ZFP1: variants seen among roughly 807,000 people sequenced by gnomAD.
The protein encoded by ZFP1 is ZFP1 zinc finger protein, also known as zinc finger protein 1 homolog.
In ZFP1, 32 loss-of-function variants were observed where a neutral mutation model predicts 38.5. That is an observed-to-expected ratio of 0.83 (90% CI 0.63 to 1.12). ZFP1 has a LOEUF of 1.12. ZFP1 is among the 50% of genes most tolerant of loss of function. The pLI is 0.00. For synonymous variants in ZFP1, 245 were observed against 168.8 expected, an observed-to-expected ratio of 1.45 and a Z score of -3.50; for missense variants, 616 against 480.8, an observed-to-expected ratio of 1.28 and a Z score of -2.63.
At chr16:75,139,046 AC>A in the ZFP1 span, among the ~76,000 whole-genome samples, 1 of 152,088 alleles carries the variant, frequency 6.6e-6, no homozygotes, top group African/African-American at 2.4e-5. Flanking sequence ...AAAGCATCCT[AC>A]AAAATACCTA....
intron 2 of ZFP1, among the ~76,000 whole-genome samples, chr16:75,161,066 A>G (rs940062658): frequency 2.6e-4 from 39 of 151,840 alleles, no homozygotes; most frequent in African/African-American, 8.9e-4. Flanking sequence ...TTTTTTTTTA[A>G]TTTATTTAAT....
chr16:75,157,490 C>G (rs1403475746), intron 2 of ZFP1, among the ~76,000 whole-genome samples: 3 of 151,924 alleles, frequency 2.0e-5, no homozygotes, highest in South Asian at 4.2e-4. Context: ...GTGATACGCC[C>G]TCCTCAGCCT....
chr16:75,158,427 G>A (rs2037576400), intron 2 of ZFP1, among the ~76,000 whole-genome samples: 1 of 151,448 alleles, frequency 6.6e-6, no homozygotes, highest in Non-Finnish European at 1.5e-5. Context: ...TGTGATCTTG[G>A]CTCATTGCAG....
chr16:75,131,112 G>T, the ZFP1 span, among the ~76,000 whole-genome samples: 1 of 152,088 alleles, frequency 6.6e-6, no homozygotes, highest in Non-Finnish European at 1.5e-5. Flanking sequence ...CTTGACACAC[G>T]CTGTGCCCTC....
chr16:75,125,928 G>T, the ZFP1 span, among the ~76,000 whole-genome samples: 1 of 151,402 alleles, frequency 6.6e-6, no homozygotes, highest in African/African-American at 2.4e-5. Context: ...TGTAATCCCA[G>T]TTACTCAGGA....
Position 75,152,931 on chromosome 16 carries a change from C to T in ZFP1, c.-21C>T, listed in dbSNP as rs749105612. 2.5e-6 allele frequency: 4 copies of T among 1,613,370 alleles called. No homozygotes were observed. The highest frequency in any genetic ancestry group is 2.2e-5 in the East Asian group (1 of 44,844). The stretch of plus-strand genomic sequence containing the variant: ...CAGTTCTGCCTTCATAGTTCTCTGC[C>T]TTTGCCCAAAACTGCAGAAAATGAA... On this transcript the variant is annotated 5_prime_UTR_variant, in exon 2 of 4. Coordinates refer to ENST00000570010, the MANE Select transcript of ZFP1 (RefSeq NM_153688.4).
At chr16:75,135,943 G>A in the ZFP1 span, among the ~76,000 whole-genome samples, 2 of 152,192 alleles carry the variant, frequency 1.3e-5, no homozygotes, top group Admixed American at 6.5e-5. Context: ...AGCCTCCCGA[G>A]TAACTGGGAT....
At chr16:75,167,963 T>C (rs1272996138) in intron 3 of ZFP1, among the ~76,000 whole-genome samples, 2 of 152,086 alleles carry the variant, frequency 1.3e-5, no homozygotes, top group East Asian at 3.9e-4. Context: ...CATGGTGGCA[T>C]GTGCCTGTAA....
At chr16:75,126,681 G>A in the ZFP1 span, among the ~76,000 whole-genome samples, 6 of 152,186 alleles carry the variant, frequency 3.9e-5, no homozygotes, top group African/African-American at 1.4e-4. Flanking sequence ...GGGGTTACAG[G>A]CATGAGCCAG....
At chr16:75,165,031 A>G (rs774467482) in intron 2 of ZFP1, among the ~76,000 whole-genome samples, 13 of 151,992 alleles carry the variant, frequency 8.6e-5, no homozygotes, top group Admixed American at 2.0e-4. Context: ...TTTTGAACTC[A>G]TGACCTCAGG....
At chr16:75,135,375 T>C in the ZFP1 span, among the ~76,000 whole-genome samples, 1 of 152,106 alleles carries the variant, frequency 6.6e-6, no homozygotes, top group African/African-American at 2.4e-5. Context: ...AAATGCATAT[T>C]GCTAAGTGAT....
intron 2 of ZFP1, among the ~76,000 whole-genome samples, chr16:75,159,568 C>T (rs1003253126): frequency 4.0e-5 from 6 of 150,950 alleles, no homozygotes; most frequent in Admixed American, 1.3e-4. Context: ...CCACTATGCC[C>T]GGCTAATTTT....
rs543306019 is a variant in ZFP1 at position 75,156,195 on chromosome 16, G to A, written c.15+3229G>A. The stretch of plus-strand genomic sequence containing the variant: ...GGGGCCAGGTGTGGTGGGTCACGCC[G>A]GTAATCCTAGCACTTTGGGAGGCCG... On this transcript the variant is annotated intron_variant, in intron 2 of 3. Coordinates refer to ENST00000570010, the MANE Select transcript of ZFP1 (RefSeq NM_153688.4). Among the ~76,000 whole-genome samples the A allele has an allele frequency of 8.8e-4, 134 of 152,154 alleles. 1 individual carries two copies. Among genetic ancestry groups the A allele is most frequent in the South Asian group, 4.6e-3 (22 of 4,814 alleles).
intron 2 of ZFP1, among the ~76,000 whole-genome samples, chr16:75,163,202 C>T (rs566470759): frequency 2.4e-4 from 36 of 152,022 alleles, no homozygotes; most frequent in African/African-American, 7.2e-4. Flanking sequence ...CCATTGCGCC[C>T]GGCCAATGTT....
the ZFP1 span, among the ~76,000 whole-genome samples, chr16:75,141,656 T>G: frequency 1.3e-5 from 2 of 151,542 alleles, no homozygotes; most frequent in South Asian, 4.2e-4. Flanking sequence ...AGGCCAAGGT[T>G]TGGGAGGATT....
intron 2 of ZFP1, among the ~76,000 whole-genome samples, chr16:75,163,454 G>C (rs1162771924): frequency 1.3e-5 from 2 of 150,962 alleles, no homozygotes; most frequent in African/African-American, 2.4e-5. Context: ...TGAGACTACA[G>C]GTGCCCACCA....
chr16:75,158,511 A>T (rs1490893998), intron 2 of ZFP1, among the ~76,000 whole-genome samples: 2 of 149,846 alleles, frequency 1.3e-5, no homozygotes, highest in Admixed American at 6.6e-5. Flanking sequence ...TTTTAATTTT[A>T]ATTTTTTTTA....
At chr16:75,143,063 G>T in the ZFP1 span, among the ~76,000 whole-genome samples, 1 of 151,998 alleles carries the variant, frequency 6.6e-6, no homozygotes, top group African/African-American at 2.4e-5. Context: ...TTTGACAATT[G>T]ATATACAAAA....
intron 2 of ZFP1, among the ~76,000 whole-genome samples, chr16:75,166,108 A>G (rs2038066795): frequency 6.6e-6 from 1 of 152,200 alleles, no homozygotes; most frequent in African/African-American, 2.4e-5. Context: ...CTTCTGCCTT[A>G]AAGAGTTAAA....
Sources: gnomAD v4.1 joint callset for allele counts (sites outside exome capture counted in the v4.1 genomes callset) on GRCh38, gnomAD v4.1.1 for gene constraint, MANE v1.5 for transcripts, NCBI Gene and HGNC (gene_info 2026-07-23, HGNC 2026-07-21) for gene names.